LINGO2: variants seen among roughly 807,000 people sequenced by gnomAD.
LINGO2 encodes leucine-rich repeat and immunoglobulin-like domain-containing nogo receptor-interacting protein 2.
LINGO2 carries 14 observed loss-of-function variants against 30.6 expected under a neutral mutation model. The observed-to-expected ratio is 0.46, with a 90% confidence interval of 0.30 to 0.72. The LOEUF is 0.72. LINGO2 is among the 30% of genes least tolerant of loss of function. The probability of loss-of-function intolerance (pLI) is 0.07; values close to 1 mark genes in which losing one functional copy is unlikely to be tolerated. For synonymous variants in LINGO2, 317 were observed against 288.5 expected (o/e 1.10, Z -1.00); for missense variants, 729 against 751.7 (o/e 0.97, Z 0.35).
chr9:28,981,610 G>T, the LINGO2 span, among the ~76,000 whole-genome samples: 1 of 152,092 alleles, frequency 6.6e-6, no homozygotes, highest in Non-Finnish European at 1.5e-5. Context: ...ACATGGAGTG[G>T]CAGGTATGTG....
chr9:28,740,735 C>T, the LINGO2 span, among the ~76,000 whole-genome samples: 4 of 151,948 alleles, frequency 2.6e-5, no homozygotes, highest in East Asian at 1.9e-4. Flanking sequence ...AATATACACA[C>T]GTTGAGGGAT....
intron 1 of LINGO2, among the ~76,000 whole-genome samples, chr9:28,508,956 C>T (rs1002149096): frequency 4.6e-5 from 7 of 151,954 alleles, no homozygotes; most frequent in African/African-American, 1.7e-4. Flanking sequence ...AGTATGCATG[C>T]CATACTACAT....
At chr9:27,987,553 A>G (rs1821182887) in intron 5 of LINGO2, among the ~76,000 whole-genome samples, 1 of 151,920 alleles carries the variant, frequency 6.6e-6, no homozygotes, top group South Asian at 2.1e-4. Context: ...TAGATTAAAT[A>G]AACAAGATAT....
At chr9:28,967,074 T>C in the LINGO2 span, among the ~76,000 whole-genome samples, 8 of 152,126 alleles carry the variant, frequency 5.3e-5, no homozygotes, top group Non-Finnish European at 1.0e-4. Context: ...CCATACAGTC[T>C]GCAAGCTGTG....
At chr9:28,601,392 T>A (rs1432235966) in intron 1 of LINGO2, among the ~76,000 whole-genome samples, 1 of 152,046 alleles carries the variant, frequency 6.6e-6, no homozygotes, top group African/African-American at 2.4e-5. Context: ...TATAAAAACT[T>A]TGGCCAAGTT....
intron 4 of LINGO2, among the ~76,000 whole-genome samples, chr9:28,098,861 G>T (rs1826326465): frequency 1.3e-5 from 2 of 152,152 alleles, no homozygotes; most frequent in Admixed American, 6.5e-5. Context: ...ATAATGGATG[G>T]TGCTGATATG....
At chr9:28,023,934 G>T (rs1823255239) in intron 4 of LINGO2, among the ~76,000 whole-genome samples, 1 of 152,102 alleles carries the variant, frequency 6.6e-6, no homozygotes, top group Admixed American at 6.6e-5. Context: ...CCCATTTATG[G>T]TTCCAGTAGC....
chr9:27,994,278 GAATGA>G (rs1821544949), intron 5 of LINGO2, among the ~76,000 whole-genome samples: 1 of 151,672 alleles, frequency 6.6e-6, no homozygotes, highest in South Asian at 2.1e-4. Context: ...GAAATTAGTA[GAATGA>G]AAGAAATAAA....
the LINGO2 span, among the ~76,000 whole-genome samples, chr9:28,983,234 T>C: frequency 1.3e-5 from 2 of 151,602 alleles, no homozygotes; most frequent in African/African-American, 2.4e-5. Context: ...ATGAGGAACG[T>C]ATTGTGTCTC....
the LINGO2 span, among the ~76,000 whole-genome samples, chr9:28,855,634 T>C: frequency 6.6e-6 from 1 of 151,864 alleles, no homozygotes; most frequent in South Asian, 2.1e-4. Flanking sequence ...AAAGAAAATA[T>C]AAGATAGGTG....
intron 1 of LINGO2, among the ~76,000 whole-genome samples, chr9:28,654,936 T>A (rs1031673548): frequency 1.3e-5 from 2 of 152,138 alleles, no homozygotes; most frequent in Non-Finnish European, 1.5e-5. Context: ...TGTTTGTTTG[T>A]TTTTTGCTGT....
intron 5 of LINGO2, among the ~76,000 whole-genome samples, chr9:27,956,805 C>T (rs954795933): frequency 6.6e-6 from 1 of 152,054 alleles, no homozygotes; most frequent in African/African-American, 2.4e-5. Context: ...AAAGACTTTC[C>T]TTTCTGGCCA....
At chr9:28,721,884 T>C in the LINGO2 span, among the ~76,000 whole-genome samples, 7 of 152,242 alleles carry the variant, frequency 4.6e-5, no homozygotes, top group Non-Finnish European at 8.8e-5. Context: ...CTTTGGGCTC[T>C]TGTTAAAATA....
chr9:29,165,594 T>A, the LINGO2 span, among the ~76,000 whole-genome samples: 1 of 152,020 alleles, frequency 6.6e-6, no homozygotes, highest in African/African-American at 2.4e-5. Flanking sequence ...CAGGCTTAAC[T>A]TTTCAAGATT....
intron 4 of LINGO2, among the ~76,000 whole-genome samples, chr9:28,260,431 T>C (rs1416328479): frequency 6.6e-6 from 1 of 151,876 alleles, no homozygotes; most frequent in East Asian, 1.9e-4. Context: ...CAGAGATATC[T>C]TAGGATCCTT....
chr9:28,880,381 T>C, the LINGO2 span, among the ~76,000 whole-genome samples: 2 of 152,180 alleles, frequency 1.3e-5, no homozygotes, highest in South Asian at 2.1e-4. Context: ...AAAACATGTG[T>C]TGTATAAAAT....
At chr9:28,695,652 G>A in the LINGO2 span, among the ~76,000 whole-genome samples, 2 of 151,286 alleles carry the variant, frequency 1.3e-5, no homozygotes, top group African/African-American at 4.9e-5. Context: ...GTAGACTATG[G>A]CACTTTCATA....
chr9:27,997,473 C>T (rs1821726503), intron 5 of LINGO2, among the ~76,000 whole-genome samples: 1 of 152,114 alleles, frequency 6.6e-6, no homozygotes, highest in Non-Finnish European at 1.5e-5. Flanking sequence ...GCTGTGTGAC[C>T]CTGGACAGAT....
chr9:28,760,574 G>A, the LINGO2 span, among the ~76,000 whole-genome samples: 39 of 151,940 alleles, frequency 2.6e-4, no homozygotes, highest in South Asian at 3.7e-3. Context: ...GTTCTTTAGC[G>A]GTGATTTGTG....
Sources: gnomAD v4.1 joint callset for allele counts (sites outside exome capture counted in the v4.1 genomes callset) on GRCh38, gnomAD v4.1.1 for gene constraint, MANE v1.5 for transcripts, NCBI Gene and HGNC (gene_info 2026-07-23, HGNC 2026-07-21) for gene names.